Variants in ANKRD44 observed in about 807,000 individuals in gnomAD.
ANKRD44 encodes ankyrin repeat domain 44.
In ANKRD44, 35 loss-of-function variants were observed where a neutral mutation model predicts 116.0. The ratio of observed to expected loss-of-function variants is 0.30; its 90% CI spans 0.23 to 0.40. The LOEUF (loss-of-function observed/expected upper bound fraction) is 0.40. ANKRD44 is among the 10% of genes least tolerant of loss of function. The pLI is 1.00. For missense variants in ANKRD44, 1,014 were observed against 1,242.6 expected (o/e 0.82, Z 2.77); for synonymous variants, 435 against 461.8 (o/e 0.94, Z 0.74).
At chr2:197,280,117 T>C (rs2085645767) in intron 1 of ANKRD44, among the ~76,000 whole-genome samples, 1 of 152,214 alleles carries the variant, frequency 6.6e-6, no homozygotes, top group South Asian at 2.1e-4. Context: ...CTGTCCCTAC[T>C]GCTGTCACAT....
chr2:197,273,970 A>AT (rs2082976173), intron 1 of ANKRD44, among the ~76,000 whole-genome samples: 1 of 26,248 alleles, frequency 3.8e-5, no homozygotes, highest in African/African-American at 1.0e-4. Context: ...CAAAAAAAAA[A>AT]AAAAAAAAAA....
intron 2 of ANKRD44, among the ~76,000 whole-genome samples, chr2:197,168,572 G>A (rs964060608): frequency 2.6e-5 from 4 of 152,118 alleles, no homozygotes; most frequent in Admixed American, 6.5e-5. Flanking sequence ...TGTCCCCTGC[G>A]AAGCAACTCT....
At chr2:197,276,717 G>C (rs1007030607) in intron 1 of ANKRD44, among the ~76,000 whole-genome samples, 3 of 152,048 alleles carry the variant, frequency 2.0e-5, no homozygotes, top group African/African-American at 7.3e-5. Flanking sequence ...TTATCTGTGA[G>C]TTTCCATTTC....
intron 1 of ANKRD44, among the ~76,000 whole-genome samples, chr2:197,296,927 C>T (rs1199666520): frequency 4.6e-5 from 7 of 152,142 alleles, no homozygotes; most frequent in African/African-American, 1.4e-4. Context: ...AAATTTTACA[C>T]CAATGTTTTT....
At chr2:197,074,540 T>C (rs1473067980) in intron 16 of ANKRD44, among the ~76,000 whole-genome samples, 1 of 152,176 alleles carries the variant, frequency 6.6e-6, no homozygotes, top group African/African-American at 2.4e-5. Flanking sequence ...GGTGCAATCA[T>C]AGGTCACTGA....
chr2:197,063,101 G>T lies in ANKRD44; in HGVS notation c.1650+15602C>A, dbSNP rs73049691. Among the ~76,000 whole-genome samples, 770 of 152,268 alleles carry T rather than the reference G, an allele frequency of 5.1e-3. 11 individuals carry two copies. The highest frequency in any genetic ancestry group is 0.018 in the African/African-American group (737 of 41,560). On this transcript the variant is annotated intron_variant, in intron 16 of 27. Transcript: ENST00000282272. Reference sequence around the variant, plus strand: ...GCCGACTGACACCTCATGCGCCTGGGTATCCCTCTGAGACGAAGCTTCCAG... The same window carrying T: ...GCCGACTGACACCTCATGCGCCTGGTTATCCCTCTGAGACGAAGCTTCCAG...
chr2:197,280,609 C>T lies in ANKRD44; in HGVS notation c.27+29969G>A, dbSNP rs1180165065. On this transcript the variant is annotated intron_variant, in intron 1 of 27. Coordinates refer to ENST00000282272, the MANE Select transcript of ANKRD44 (RefSeq NM_001195144.2). ...GCCAAGTGTGGGATGCTTGAGCAAC[C>T]GCTGTACAATAGCCACGGTCTTGAT... 5.3e-5 allele frequency among the ~76,000 whole-genome samples: 8 copies of T among 152,278 alleles called. No individual in the cohort carries two copies. The Middle Eastern group carries it at 0.01, about 194-fold the overall frequency.
At chr2:197,122,262 G>T (rs1415142580) in intron 7 of ANKRD44, among the ~76,000 whole-genome samples, 1 of 152,120 alleles carries the variant, frequency 6.6e-6, no homozygotes, top group Non-Finnish European at 1.5e-5. Flanking sequence ...GCCTTTTCCA[G>T]CTCAAGAGTA....
At position 197,294,955 on chromosome 2, in the gene ANKRD44, T is replaced by G. The variant is rs145185723; in HGVS notation, c.27+15623A>C. On this transcript the variant is annotated intron_variant, in intron 1 of 27. Transcript: ENST00000282272. ...ACTGTTTCTGAGTCCACATCTGGAGTTTAAAAATCCTATAGAAAAGGCAAG... is the reference window on the plus strand; with the variant it reads ...ACTGTTTCTGAGTCCACATCTGGAGGTTAAAAATCCTATAGAAAAGGCAAG... Among the ~76,000 whole-genome samples the G allele has an allele frequency of 2.9e-3, 439 of 152,222 alleles. 2 individuals carry two copies. The highest frequency in any genetic ancestry group is 0.01 in the African/African-American group (428 of 41,532).
intron 16 of ANKRD44, among the ~76,000 whole-genome samples, chr2:197,057,775 T>A (rs2077231885): frequency 6.6e-6 from 1 of 152,202 alleles, no homozygotes; most frequent in Admixed American, 6.5e-5. Context: ...GGAGGATCGC[T>A]TGAATCCAGG....
At chr2:197,154,849 C>A (rs919000534) in intron 2 of ANKRD44, among the ~76,000 whole-genome samples, 3 of 152,168 alleles carry the variant, frequency 2.0e-5, no homozygotes, top group Admixed American at 2.0e-4. Context: ...CCCACCACCA[C>A]ACAATTGTAT....
chr2:197,249,363 C>A (rs1244098627), intron 1 of ANKRD44, among the ~76,000 whole-genome samples: 1 of 152,180 alleles, frequency 6.6e-6, no homozygotes, highest in East Asian at 1.9e-4. Flanking sequence ...AGTCACTAAA[C>A]CTTCTTGAAA....
intron 2 of ANKRD44, among the ~76,000 whole-genome samples, chr2:197,148,723 A>C (rs1241554024): frequency 6.6e-6 from 1 of 152,224 alleles, no homozygotes; most frequent in Non-Finnish European, 1.5e-5. Context: ...AGTAGGTTTT[A>C]TAAAGAATGC....
chr2:196,997,328 C>T (rs2125889512), intron 25 of ANKRD44, among the ~76,000 whole-genome samples: 1 of 151,562 alleles, frequency 6.6e-6, no homozygotes, highest in Non-Finnish European at 1.5e-5. Flanking sequence ...TTCTAAAATA[C>T]CATAAAACAT....
chr2:197,132,757 TA>T lies in ANKRD44; in HGVS notation c.261+3834del, dbSNP rs1444649209. The stretch of plus-strand genomic sequence containing the variant: ...TTACCAGTTGTACACAGAAAATTAT[TA>T]TAGCTTAAATTGAAAACCCAGTCTT... On this transcript the variant is annotated intron_variant, in intron 4 of 27. Transcript: ENST00000282272. Among the ~76,000 whole-genome samples the T allele has an allele frequency of 2.0e-5, 3 of 152,194 alleles. 1 individual carries two copies. Among genetic ancestry groups the T allele is most frequent in the Admixed American group, 2.0e-4 (3 of 15,274 alleles).
chr2:196,969,589 T>C (rs1191233733), intron 21 of ANKRD44, among the ~76,000 whole-genome samples: 1 of 152,226 alleles, frequency 6.6e-6, no homozygotes, highest in Non-Finnish European at 1.5e-5. Flanking sequence ...CAGAAAGTGA[T>C]ATACCAGCTA....
chr2:197,069,759 A>G (rs551467049), intron 16 of ANKRD44, among the ~76,000 whole-genome samples: 22 of 152,122 alleles, frequency 1.4e-4, no homozygotes, highest in Non-Finnish European at 3.1e-4. Context: ...TTCCATATAA[A>G]TTTTAGAAAA....
chr2:197,243,526 C>T (rs138564187), intron 1 of ANKRD44, among the ~76,000 whole-genome samples: 77 of 152,288 alleles, frequency 5.1e-4, no homozygotes, highest in African/African-American at 1.7e-3. Flanking sequence ...CTCAGAAAAC[C>T]TGTAGAGGAC....
chr2:197,000,287 C>T, intron 23 of ANKRD44, 132 bp downstream of exon 23: 2 of 691,330 alleles, frequency 2.9e-6, no homozygotes, highest in South Asian at 1.9e-5. Flanking sequence ...AATTATACAC[C>T]CTCTGTAATA....
Sources: gnomAD v4.1 joint callset for allele counts (sites outside exome capture counted in the v4.1 genomes callset) on GRCh38, gnomAD v4.1.1 for gene constraint, MANE v1.5 for transcripts, NCBI Gene and HGNC (gene_info 2026-07-23, HGNC 2026-07-21) for gene names.